Variants in FGGY observed in about 807,000 individuals in gnomAD.
FGGY encodes the protein FGGY carbohydrate kinase domain containing.
FGGY carries 72 observed loss-of-function variants against 71.3 expected under a neutral mutation model. That is an observed-to-expected ratio of 1.01 (90% CI 0.84 to 1.23). FGGY has a LOEUF of 1.23. Ranked by LOEUF, FGGY falls within the 50% of genes most tolerant of loss-of-function variation. The pLI is 0.00. For missense variants in FGGY, 668 were observed against 682.3 expected (o/e 0.98, Z 0.23); for synonymous variants, 251 against 250.3 (o/e 1.00, Z -0.02).
intron 8 of FGGY, among the ~76,000 whole-genome samples, chr1:59,585,312 C>G (rs982535409): frequency 3.3e-5 from 5 of 152,118 alleles, no homozygotes; most frequent in African/African-American, 2.4e-5. Context: ...GTACTGGTAC[C>G]AAAACAGAGA....
intron 3 of FGGY, among the ~76,000 whole-genome samples, chr1:59,343,052 G>C (rs946438682): frequency 3.3e-5 from 5 of 152,078 alleles, no homozygotes; most frequent in African/African-American, 1.2e-4. Flanking sequence ...TCAGCCATAG[G>C]AGCTCTTGGG....
chr1:59,427,670 G>A (rs1449102632), intron 5 of FGGY, among the ~76,000 whole-genome samples: 1 of 152,148 alleles, frequency 6.6e-6, no homozygotes, highest in Non-Finnish European at 1.5e-5. Flanking sequence ...GAATAAGATG[G>A]CACATAATCT....
intron 9 of FGGY, among the ~76,000 whole-genome samples, chr1:59,611,102 C>G (rs908094177): frequency 6.6e-6 from 1 of 152,218 alleles, no homozygotes; most frequent in African/African-American, 2.4e-5. Context: ...CATAGCTGAA[C>G]AAAAGGCAGC....
intron 14 of FGGY, among the ~76,000 whole-genome samples, chr1:59,712,283 G>A (rs900785684): frequency 1.3e-5 from 2 of 152,202 alleles, no homozygotes; most frequent in Non-Finnish European, 2.9e-5. Context: ...CTCTGCCCCT[G>A]TGGTTTTGCA....
intron 12 of FGGY, among the ~76,000 whole-genome samples, chr1:59,660,659 T>C (rs1433055519): frequency 6.6e-6 from 1 of 152,242 alleles, no homozygotes; most frequent in Non-Finnish European, 1.5e-5. Context: ...ATTGTTCACT[T>C]TGCAAAAGGA....
chr1:59,607,736 A>G, intron 8 of FGGY, 67 bp from the exon 9 acceptor site: 2 of 1,200,988 alleles, frequency 1.7e-6, no homozygotes. Context: ...TAGAAATATT[A>G]GGAGGAGAAC....
chr1:59,656,516 A>G (rs545812895), intron 11 of FGGY, among the ~76,000 whole-genome samples: 19 of 152,318 alleles, frequency 1.2e-4, no homozygotes, highest in Admixed American at 1.2e-3. Context: ...TTGAGAGAAA[A>G]TTAAATGGAC....
intron 8 of FGGY, among the ~76,000 whole-genome samples, chr1:59,586,829 A>T (rs144039814): frequency 0.053 from 8,082 of 152,300 alleles, 423 homozygotes; most frequent in African/African-American, 0.14. Context: ...ATGGCCGAAT[A>T]GGAACAGCTC....
Position 59,699,595 on chromosome 1 carries a change from C to T in FGGY, c.1512+25462C>T, listed in dbSNP as rs1225599176. Among the ~76,000 whole-genome samples the T allele has an allele frequency of 2.0e-5, 3 of 151,942 alleles. No homozygotes were observed. In the East Asian group the frequency reaches 5.8e-4, roughly 29 times the overall value. On this transcript the variant is annotated intron_variant, in intron 14 of 15. Coordinates refer to ENST00000303721, the MANE Select transcript of FGGY (RefSeq NM_018291.5). ...TAGGTTTCCAGTTCTATTTACCAGG[C>T]TTCCAATATGCAAACAAAAAAAGGA...
chr1:59,306,596 A>G (rs835394), intron 1 of FGGY, among the ~76,000 whole-genome samples: 64,192 of 151,990 alleles, frequency 0.42, 14,146 homozygotes, highest in East Asian at 0.55. Context: ...CTACAGGAAA[A>G]GAGGCCTGAC....
intron 14 of FGGY, among the ~76,000 whole-genome samples, chr1:59,711,332 C>G (rs1195840519): frequency 1.3e-5 from 2 of 152,014 alleles, no homozygotes; most frequent in African/African-American, 4.8e-5. Flanking sequence ...GGAGAAATAC[C>G]TAATGTAGAC....
rs1329315239 is a variant in FGGY, at chr1:59,641,310, T to G, written c.1221+2935T>G. The G allele has an allele frequency of 3.1e-6, 5 of 1,607,916 alleles. No individual in the cohort carries two copies. The African/African-American group carries it at 5.6e-5, about 18-fold the overall frequency. ...CACTGGATATCTGTATATTCCGGCT[T>G]TGGCAGCGTTGCACTCTCCCAGTTC... is the stretch of plus-strand genomic sequence containing the variant. On this transcript the variant is annotated intron_variant, in intron 11 of 15. Coordinates refer to ENST00000303721, the MANE Select transcript of FGGY (RefSeq NM_018291.5).
At chr1:59,618,030 A>C (rs2096773731) in intron 9 of FGGY, among the ~76,000 whole-genome samples, 2 of 152,106 alleles carry the variant, frequency 1.3e-5, no homozygotes, top group South Asian at 4.1e-4. Context: ...TTATGGAGAT[A>C]ATGATTTCAT....
intron 8 of FGGY, among the ~76,000 whole-genome samples, chr1:59,585,900 G>A (rs954031618): frequency 9.2e-5 from 14 of 152,236 alleles, no homozygotes; most frequent in African/African-American, 2.6e-4. Flanking sequence ...GCAGCCAAAA[G>A]GCACATGAAA....
intron 14 of FGGY, among the ~76,000 whole-genome samples, chr1:59,704,372 G>A (rs981016511): frequency 1.3e-5 from 2 of 152,060 alleles, no homozygotes; most frequent in African/African-American, 4.8e-5. Context: ...CACGAACAAT[G>A]TAGGAATATA....
At chr1:59,550,900 A>G (rs1454072176) in intron 7 of FGGY, among the ~76,000 whole-genome samples, 1 of 152,200 alleles carries the variant, frequency 6.6e-6, no homozygotes, top group Non-Finnish European at 1.5e-5. Context: ...AGTTACCTGA[A>G]CACTCTGCTC....
intron 6 of FGGY, among the ~76,000 whole-genome samples, chr1:59,460,450 T>G (rs1298902636): frequency 2.0e-5 from 3 of 152,190 alleles, no homozygotes; most frequent in Non-Finnish European, 4.4e-5. Flanking sequence ...TCCCTGCCTC[T>G]GTAGACCCCA....
intron 8 of FGGY, among the ~76,000 whole-genome samples, chr1:59,589,028 C>T (rs7411080): frequency 0.12 from 18,724 of 152,186 alleles, 1,338 homozygotes; most frequent in South Asian, 0.3. Context: ...CATCAGTGTG[C>T]TGTATTCAGG....
At chr1:59,443,007 T>A (rs1254687688) in intron 5 of FGGY, among the ~76,000 whole-genome samples, 1 of 152,104 alleles carries the variant, frequency 6.6e-6, no homozygotes, top group Non-Finnish European at 1.5e-5. Context: ...AGTTTAGGAT[T>A]TTTAGTATGA....
Sources: gnomAD v4.1 joint callset for allele counts (sites outside exome capture counted in the v4.1 genomes callset) on GRCh38, gnomAD v4.1.1 for gene constraint, MANE v1.5 for transcripts, NCBI Gene and HGNC (gene_info 2026-07-23, HGNC 2026-07-21) for gene names.